The following USH2A variants were observed in gnomAD, a reference collection of about 807,000 sequenced individuals.
USH2A encodes usherin.
Under a neutral mutation model 538.9 loss-of-function variants are expected in USH2A, and 443 were observed. The ratio of observed to expected loss-of-function variants is 0.82; its 90% CI spans 0.76 to 0.89. USH2A has a LOEUF of 0.89. Among genes scored for constraint, USH2A ranks in the 40% least tolerant of loss-of-function variants. The pLI is 0.00. For missense variants in USH2A, 6,633 were observed against 6,324.8 expected (o/e 1.05, Z -1.65); for synonymous variants, 2,413 against 2,273.5 (o/e 1.06, Z -1.75).
At chr1:216,409,937 G>A (rs2039458094) in intron 3 of USH2A, among the ~76,000 whole-genome samples, 1 of 152,034 alleles carries the variant, frequency 6.6e-6, no homozygotes, top group Non-Finnish European at 1.5e-5. Flanking sequence ...AACCTATAGA[G>A]TGAGAGAAAA....
At chr1:215,856,351 ACAAT>A (rs1365578440) in intron 44 of USH2A, among the ~76,000 whole-genome samples, 1 of 152,192 alleles carries the variant, frequency 6.6e-6, no homozygotes, top group East Asian at 1.9e-4. Context: ...AAAAATACAA[ACAAT>A]CAAGTCAAAA....
rs61635304 is a variant in USH2A at position 215,728,189 on chromosome 1, T to A, written c.11907A>T (p.Pro3969=). 8.2e-3 allele frequency: 13,292 copies of A among 1,614,098 alleles called. 725 individuals carry two copies. The African/African-American group carries it at 0.13, about 16-fold the overall frequency. The change falls in exon 61 of 72, where the codon CCA becomes CCT. Residue 3969 remains proline, a synonymous_variant. Transcript: ENST00000307340. ...CACTCGTGGCTTGAGCCCAAGGAGC[T>A]GGAAAATCTTGAGGTGGAGCTTCCA... ...QTLEAPPQDF[P]APWAQATSAH... is the part of the protein sequence containing the mutation.
At chr1:215,650,496 AAAG>A (rs1355052157) in intron 65 of USH2A, 93 bp downstream of exon 65, 1 of 1,434,616 alleles carries the variant, frequency 7.0e-7, no homozygotes, top group African/African-American at 1.4e-5. Context: ...GAAGGATAAG[AAAG>A]ATGGAGGGAA....
intron 61 of USH2A, among the ~76,000 whole-genome samples, chr1:215,726,708 A>G (rs1659829375): frequency 6.6e-6 from 1 of 152,174 alleles, no homozygotes; most frequent in Admixed American, 6.5e-5. Context: ...GTCTTGGCAC[A>G]TATTTGTATT....
chr1:216,322,087 T>C (rs1047247232), intron 8 of USH2A, 111 bp from the exon 9 acceptor site: 9 of 1,003,602 alleles, frequency 9.0e-6, no homozygotes, highest in Admixed American at 3.7e-5. Flanking sequence ...GATTTTTGTA[T>C]ATTTAATTGA....
chr1:215,636,574 C>T (rs2797256), intron 69 of USH2A, among the ~76,000 whole-genome samples: 150,738 of 152,252 alleles, frequency 0.99, 74,647 homozygotes, highest in East Asian at 1. Flanking sequence ...AGAGAGAAAA[C>T]AACTTGTTGG....
intron 3 of USH2A, among the ~76,000 whole-genome samples, chr1:216,374,954 T>A (rs568780360): frequency 2.0e-5 from 3 of 152,212 alleles, no homozygotes; most frequent in East Asian, 3.9e-4. Context: ...GCTAAGTAGA[T>A]TCGTGCTATT....
At chr1:215,902,066 T>C (rs1665516010) in intron 38 of USH2A, among the ~76,000 whole-genome samples, 3 of 152,198 alleles carry the variant, frequency 2.0e-5, no homozygotes, top group Admixed American at 2.0e-4. Context: ...CTGAACTTTC[T>C]TTAGCATAAT....
chr1:216,415,104 G>C (rs1364891150), intron 3 of USH2A, among the ~76,000 whole-genome samples: 1 of 151,964 alleles, frequency 6.6e-6, no homozygotes, highest in Non-Finnish European at 1.5e-5. Flanking sequence ...AAAAGCACAA[G>C]ACTGATCATT....
intron 21 of USH2A, among the ~76,000 whole-genome samples, chr1:216,145,791 G>T (rs1163454312): frequency 6.6e-6 from 1 of 152,130 alleles, no homozygotes; most frequent in Non-Finnish European, 1.5e-5. Flanking sequence ...ATTACCTCGT[G>T]AAAGTCCTTC....
chr1:215,789,982 T>C (rs1661933824), intron 51 of USH2A, 77 bp downstream of exon 51: 1 of 1,421,850 alleles, frequency 7.0e-7, no homozygotes, highest in Admixed American at 1.8e-5. Context: ...ATTCCTATTT[T>C]AGAAAAATAG....
At chr1:216,288,200 A>G (rs924714270) in intron 11 of USH2A, among the ~76,000 whole-genome samples, 1 of 152,190 alleles carries the variant, frequency 6.6e-6, no homozygotes, top group African/African-American at 2.4e-5. Flanking sequence ...ATCTAAAGAT[A>G]CAGTCAGAGT....
intron 20 of USH2A, among the ~76,000 whole-genome samples, chr1:216,186,271 C>T (rs1027554739): frequency 1.3e-5 from 2 of 151,426 alleles, no homozygotes; most frequent in Non-Finnish European, 3.0e-5. Context: ...CTCCTCCTGC[C>T]GCTGCTCAAT....
At chr1:216,027,047 C>T (rs1668983942) in intron 32 of USH2A, among the ~76,000 whole-genome samples, 1 of 152,186 alleles carries the variant, frequency 6.6e-6, no homozygotes, top group African/African-American at 2.4e-5. Flanking sequence ...AGTAATAGTG[C>T]ATAATCATTG....
At chr1:215,951,747 G>C (rs577613621) in intron 37 of USH2A, among the ~76,000 whole-genome samples, 3 of 152,284 alleles carry the variant, frequency 2.0e-5, no homozygotes, top group African/African-American at 7.2e-5. Flanking sequence ...CCTGTATTGG[G>C]TGCATATATA....
chr1:216,348,937 A>T (rs2038227183), intron 4 of USH2A, among the ~76,000 whole-genome samples: 1 of 152,176 alleles, frequency 6.6e-6, no homozygotes, highest in Non-Finnish European at 1.5e-5. Context: ...ACTGGGATTT[A>T]CTAGCAACCA....
At chr1:215,964,788 A>G (rs764055553) in intron 37 of USH2A, among the ~76,000 whole-genome samples, 1 of 152,188 alleles carries the variant, frequency 6.6e-6, no homozygotes, top group Non-Finnish European at 1.5e-5. Context: ...TTTTGAAAAT[A>G]CTTTCAAGGA....
rs1204592073 is a variant in USH2A at position 215,671,247 on chromosome 1, T to G, written c.13858A>C (p.Ser4620Arg). The change falls in exon 64 of 72, where the codon AGT (serine) becomes CGT (arginine). Residue 4620 changes from serine (S) to arginine (R), a missense_variant. Transcript: ENST00000307340. ...QACTTLGCASSDWTFIQTPEI... is the reference protein window; with the variant it reads ...QACTTLGCASRDWTFIQTPEI... ...GGGGTCTGTATGAATGTCCAGTCAC[T>G]TGATGCACATCCCAGGGTGGTGCAC... 4 of 1,614,032 alleles carry G rather than the reference T, an allele frequency of 2.5e-6. No homozygotes were observed. In the Admixed American group the frequency reaches 6.7e-5, roughly 27 times the overall value.
rs193231272 is a variant in USH2A, at chr1:215,654,171, A to C, written c.14134-3370T>G. ...TACAGTGTTTAGACTGAACATATAT[A>C]TATTTTTTTATTATTGTACTTTAAG... On this transcript the variant is annotated intron_variant, in intron 64 of 71. Transcript: ENST00000307340. Among the ~76,000 whole-genome samples, 434 of 152,228 alleles carry C rather than the reference A, an allele frequency of 2.9e-3. 2 individuals are homozygous for C. Among genetic ancestry groups the C allele is most frequent in the African/African-American group, 9.8e-3 (407 of 41,544 alleles).
Sources: gnomAD v4.1 joint callset for allele counts (sites outside exome capture counted in the v4.1 genomes callset) on GRCh38, gnomAD v4.1.1 for gene constraint, MANE v1.5 for transcripts, NCBI Gene and HGNC (gene_info 2026-07-23, HGNC 2026-07-21) for gene names.